FHIT: variants seen among roughly 807,000 people sequenced by gnomAD.
The protein encoded by FHIT is fragile histidine triad diadenosine triphosphatase, also known as bis(5'-adenosyl)-triphosphatase.
Under a neutral mutation model 17.9 loss-of-function variants are expected in FHIT, and 19 were observed. That is an observed-to-expected ratio of 1.06 (90% CI 0.74 to 1.56). The LOEUF (loss-of-function observed/expected upper bound fraction) is 1.56. Among genes scored for constraint, FHIT ranks in the 40% most tolerant of loss-of-function variants. The pLI is 0.00. For missense variants in FHIT, 248 were observed against 189.2 expected, an observed-to-expected ratio of 1.31 and a Z score of -1.82; for synonymous variants, 81 against 69.7, an observed-to-expected ratio of 1.16 and a Z score of -0.81.
At chr3:60,595,700 G>A (rs2156973) in intron 4 of FHIT, among the ~76,000 whole-genome samples, 67,094 of 151,546 alleles carry the variant, frequency 0.44, 17,082 homozygotes, top group Non-Finnish European at 0.56. Context: ...TGCCAGTGCC[G>A]TCGTGCAGTT....
intron 5 of FHIT, among the ~76,000 whole-genome samples, chr3:60,142,599 C>T (rs1700085865): frequency 6.6e-6 from 1 of 151,976 alleles, no homozygotes; most frequent in African/African-American, 2.4e-5. Context: ...CCTGGGTTCA[C>T]AGAGTGATCC....
chr3:60,931,712 A>C (rs1192278956), intron 3 of FHIT, among the ~76,000 whole-genome samples: 1 of 152,192 alleles, frequency 6.6e-6, no homozygotes, highest in Non-Finnish European at 1.5e-5. Flanking sequence ...TTTCAGGTTT[A>C]TCTCTGGGAG....
At chr3:61,038,517 A>G (rs2033361160) in intron 3 of FHIT, among the ~76,000 whole-genome samples, 1 of 152,250 alleles carries the variant, frequency 6.6e-6, no homozygotes, top group South Asian at 2.1e-4. Flanking sequence ...AAAACAGTAA[A>G]TGACATTTTC....
intron 5 of FHIT, among the ~76,000 whole-genome samples, chr3:60,452,268 C>T (rs887317938): frequency 6.6e-6 from 1 of 152,140 alleles, no homozygotes; most frequent in South Asian, 2.1e-4. Context: ...AACCTACTTC[C>T]TGAGCACTGC....
At chr3:60,122,691 G>A (rs1470181249) in intron 5 of FHIT, among the ~76,000 whole-genome samples, 2 of 152,146 alleles carry the variant, frequency 1.3e-5, no homozygotes, top group East Asian at 1.9e-4. Flanking sequence ...AACTTTGGCT[G>A]GGGAGAGTTT....
intron 3 of FHIT, among the ~76,000 whole-genome samples, chr3:60,966,625 C>T (rs1375886980): frequency 8.5e-5 from 13 of 152,098 alleles, no homozygotes; most frequent in South Asian, 6.2e-4. Flanking sequence ...TGGTTTCCAC[C>T]AGGACAGTGG....
intron 3 of FHIT, among the ~76,000 whole-genome samples, chr3:60,864,716 T>A (rs1170395211): frequency 6.6e-6 from 1 of 152,148 alleles, no homozygotes; most frequent in Admixed American, 6.6e-5. Flanking sequence ...AAGAGCATGA[T>A]ACGGTAAATC....
chr3:60,307,132 C>A (rs1708707599), intron 5 of FHIT, among the ~76,000 whole-genome samples: 2 of 152,164 alleles, frequency 1.3e-5, no homozygotes, highest in Admixed American at 1.3e-4. Flanking sequence ...CAGCTAAATG[C>A]AGACACGCTG....
chr3:61,028,826 A>T (rs2032864441), intron 3 of FHIT, among the ~76,000 whole-genome samples: 1 of 151,164 alleles, frequency 6.6e-6, no homozygotes, highest in South Asian at 2.1e-4. Context: ...GGGGACTAGG[A>T]GGGTGCAGGA....
intron 5 of FHIT, among the ~76,000 whole-genome samples, chr3:60,260,015 T>C (rs1215036897): frequency 1.3e-5 from 2 of 152,020 alleles, no homozygotes; most frequent in African/African-American, 4.8e-5. Context: ...TAGGGTAGAA[T>C]ACAACCACAG....
chr3:60,063,901 A>G (rs1702393976), intron 5 of FHIT, among the ~76,000 whole-genome samples: 1 of 152,230 alleles, frequency 6.6e-6, no homozygotes, highest in Admixed American at 6.5e-5. Context: ...ACAGCTATTA[A>G]GAATAATGAG....
Position 60,265,343 on chromosome 3 carries a change from G to A in FHIT, c.104-251191C>T, listed in dbSNP as rs149570794. Among the ~76,000 whole-genome samples the A allele has an allele frequency of 2.8e-3, 428 of 151,298 alleles. 2 individuals carry two copies. Among genetic ancestry groups the A allele is most frequent in the African/African-American group, 9.9e-3 (410 of 41,232 alleles). ...CAGAGAAAGAGTAGTCTTTTTAAGA[G>A]ATGGTCCTTGGACAAGTGGATATCT... is the stretch of plus-strand genomic sequence containing the variant. On this transcript the variant is annotated intron_variant, in intron 5 of 9. Transcript: ENST00000492590.
At position 60,086,839 on chromosome 3, in the gene FHIT, G is replaced by C. The variant is rs946225905; in HGVS notation, c.104-72687C>G. Among the ~76,000 whole-genome samples, 18 of 152,192 alleles carry C rather than the reference G, an allele frequency of 1.2e-4. 1 individual carries two copies. The highest frequency in any genetic ancestry group is 5.9e-5 in the Non-Finnish European group (4 of 68,034). On this transcript the variant is annotated intron_variant, in intron 5 of 9. Transcript: ENST00000492590. ...GAGTTGAATGCCTGTGGCTTTTCCAGGTTGAGGTTACACACTGCTGCTGCT... is the reference window on the plus strand; with the variant it reads ...GAGTTGAATGCCTGTGGCTTTTCCACGTTGAGGTTACACACTGCTGCTGCT...
intron 4 of FHIT, among the ~76,000 whole-genome samples, chr3:60,788,062 G>C (rs980040688): frequency 1.3e-5 from 2 of 152,130 alleles, no homozygotes; most frequent in Non-Finnish European, 2.9e-5. Context: ...TAATGAATTA[G>C]CTATATGTTA....
rs575148307 is a variant in FHIT, at chr3:61,088,844, C to CTG, written c.-163-46746_-163-46745insCA. 3.5e-3 allele frequency among the ~76,000 whole-genome samples: 534 copies of CTG among 152,120 alleles called. 2 individuals carry two copies. Among genetic ancestry groups the CTG allele is most frequent in the African/African-American group, 0.01 (416 of 41,510 alleles). On this transcript the variant is annotated intron_variant, in intron 2 of 9. Transcript: ENST00000492590. The stretch of plus-strand genomic sequence containing the variant: ...TGCTGTTGTACCTACCAAAAAGACA[C>CTG]CATGAAAACTGCAAGTATGGCTGCG...
At chr3:59,960,186 CA>C (rs1707602675) in intron 7 of FHIT, among the ~76,000 whole-genome samples, 2 of 152,160 alleles carry the variant, frequency 1.3e-5, no homozygotes. Context: ...ACAAACAATA[CA>C]GGGAGCATGG....
chr3:60,522,491 T>A (rs1481585767), intron 5 of FHIT, among the ~76,000 whole-genome samples: 1 of 152,140 alleles, frequency 6.6e-6, no homozygotes, highest in Admixed American at 6.5e-5. Context: ...AGCTACATAG[T>A]GGTAGACTGG....
At chr3:61,161,892 C>A (rs1268106712) in intron 2 of FHIT, among the ~76,000 whole-genome samples, 2 of 152,186 alleles carry the variant, frequency 1.3e-5, no homozygotes, top group Non-Finnish European at 2.9e-5. Flanking sequence ...TCTCCTTGTA[C>A]AATACGACCC....
At chr3:59,755,497 C>T (rs1449009732) in intron 8 of FHIT, among the ~76,000 whole-genome samples, 1 of 152,178 alleles carries the variant, frequency 6.6e-6, no homozygotes, top group East Asian at 1.9e-4. Context: ...GTAGTTTATC[C>T]AAAAGGCAGT....
Sources: allele counts gnomAD v4.1 joint callset (sites outside exome capture counted in the v4.1 genomes callset), GRCh38; gene constraint gnomAD v4.1.1; transcripts MANE v1.5; gene names NCBI Gene and HGNC (gene_info 2026-07-23, HGNC 2026-07-21).